RABGEF1: variants seen among roughly 807,000 people sequenced by gnomAD.
RABGEF1 encodes RAB guanine nucleotide exchange factor 1.
Under a neutral mutation model 57.3 loss-of-function variants are expected in RABGEF1, and 26 were observed. The observed-to-expected ratio is 0.45, with a 90% CI of 0.33 to 0.63. RABGEF1 has a LOEUF of 0.63. Among genes scored for constraint, RABGEF1 ranks in the 20% least tolerant of loss-of-function variants. The pLI, the probability that RABGEF1 is intolerant of heterozygous loss-of-function variation, is 0.02. For missense variants in RABGEF1, 464 were observed against 607.6 expected (o/e 0.76, Z 2.48); for synonymous variants, 185 against 210.7 (o/e 0.88, Z 1.06).
At chr7:66,664,014 C>CT in the RABGEF1 span, among the ~76,000 whole-genome samples, 1 of 145,906 alleles carries the variant, frequency 6.9e-6, no homozygotes, top group Non-Finnish European at 1.5e-5. Flanking sequence ...GTGGAGGTTG[C>CT]AGTGAGCCAA....
chr7:66,702,614 G>A (rs1477434383), intron 1 of RABGEF1, among the ~76,000 whole-genome samples: 2 of 152,112 alleles, frequency 1.3e-5, no homozygotes, highest in Admixed American at 6.6e-5. Flanking sequence ...TGAGAACTCC[G>A]ATTTCTCCAG....
the RABGEF1 span, among the ~76,000 whole-genome samples, chr7:66,657,751 A>C: frequency 4.6e-5 from 7 of 152,070 alleles, no homozygotes; most frequent in African/African-American, 9.7e-5. Flanking sequence ...AACCTGGGAG[A>C]GGGAGGTTGC....
chr7:66,771,200 G>A (rs1217791243), intron 1 of RABGEF1, among the ~76,000 whole-genome samples: 2 of 152,058 alleles, frequency 1.3e-5, no homozygotes, highest in Non-Finnish European at 2.9e-5. Context: ...GTGCAGTGGC[G>A]TGATCTTGGC....
At chr7:66,692,746 C>T (rs1791712224) in intron 1 of RABGEF1, among the ~76,000 whole-genome samples, 1 of 149,734 alleles carries the variant, frequency 6.7e-6, no homozygotes, top group Non-Finnish European at 1.5e-5. Context: ...GTCCTACATC[C>T]CCCTGAGCCT....
chr7:66,761,029 TTTC>T (rs1804193339), intron 1 of RABGEF1, among the ~76,000 whole-genome samples: 1 of 152,202 alleles, frequency 6.6e-6, no homozygotes, highest in South Asian at 2.1e-4. Context: ...TCATTTAGTT[TTTC>T]TTCTTTCAAC....
chr7:66,793,262 C>G (rs1283328328), intron 4 of RABGEF1, among the ~76,000 whole-genome samples: 5 of 152,182 alleles, frequency 3.3e-5, no homozygotes, highest in Non-Finnish European at 7.3e-5. Flanking sequence ...TAACTTGGGA[C>G]TGGGACCCAA....
intron 2 of RABGEF1, among the ~76,000 whole-genome samples, chr7:66,724,054 A>C (rs976670316): frequency 4.6e-5 from 7 of 151,584 alleles, no homozygotes; most frequent in African/African-American, 1.7e-4. Flanking sequence ...TGGGCAATAA[A>C]TTTTCTCACC....
the RABGEF1 span, among the ~76,000 whole-genome samples, chr7:66,662,095 C>T: frequency 3.9e-5 from 6 of 152,184 alleles, no homozygotes; most frequent in South Asian, 2.1e-4. Context: ...AAAAATTAGC[C>T]GGGCACGGTG....
At chr7:66,770,111 T>C (rs1218123780) in intron 1 of RABGEF1, among the ~76,000 whole-genome samples, 2 of 152,242 alleles carry the variant, frequency 1.3e-5, no homozygotes, top group Non-Finnish European at 2.9e-5. Context: ...CCTGTACTTT[T>C]GGTTATGAGC....
chr7:66,673,757 A>G, the RABGEF1 span, among the ~76,000 whole-genome samples: 7 of 151,604 alleles, frequency 4.6e-5, 1 homozygote, highest in South Asian at 8.4e-4. Context: ...GCTTGCACCT[A>G]TGGTCCCAGT....
At position 66,809,190 on chromosome 7, in the gene RABGEF1, A is replaced by C; in HGVS notation, c.1382A>C (p.Lys461Thr). Residue 461 changes from lysine to threonine, a missense_variant, in exon 9 of 9, where the codon AAG (lysine) becomes ACG (threonine). By Grantham distance (78) the Lys-to-Thr change is moderately conservative. This residue lies in a region of RABGEF1 where 151 missense variants were observed against 152.2 expected (regional missense o/e 0.99). Coordinates refer to ENST00000284957, the MANE Select transcript of RABGEF1 (RefSeq NM_014504.3). ...DIVEKYPLEI[K>T]PPNQPLAAID... Reference sequence around the variant, plus strand: ...GTTGAGAAATACCCACTGGAAATTAAGCCTCCGAATCAACCGTTAGCAGCT... The same window carrying C: ...GTTGAGAAATACCCACTGGAAATTACGCCTCCGAATCAACCGTTAGCAGCT... The C allele has an allele frequency of 6.2e-7, 1 of 1,614,246 alleles. No individual in the cohort carries two copies. Among genetic ancestry groups the C allele is most frequent in the Non-Finnish European group, 8.5e-7 (1 of 1,180,052 alleles).
intron 1 of RABGEF1, among the ~76,000 whole-genome samples, chr7:66,747,333 G>C (rs77545207): frequency 6.6e-6 from 1 of 152,182 alleles, no homozygotes; most frequent in Non-Finnish European, 1.5e-5. Flanking sequence ...TGTAACAAGA[G>C]TTTTGAGGGC....
chr7:66,685,145 ATTAT>A (rs1790400802), intron 1 of RABGEF1, among the ~76,000 whole-genome samples: 1 of 129,928 alleles, frequency 7.7e-6, no homozygotes, highest in South Asian at 2.5e-4. Context: ...ATAGTGCTGG[ATTAT>A]TTGCTTTTTT....
intron 2 of RABGEF1, among the ~76,000 whole-genome samples, chr7:66,717,079 GCT>G (rs1347437963): frequency 2.0e-5 from 3 of 152,158 alleles, no homozygotes; most frequent in Non-Finnish European, 4.4e-5. Flanking sequence ...GCATGTGGCT[GCT>G]CTCTGTTTTT....
chr7:66,782,690 G>A (rs1266964829), intron 3 of RABGEF1, among the ~76,000 whole-genome samples: 2 of 151,934 alleles, frequency 1.3e-5, no homozygotes, highest in African/African-American at 2.4e-5. Flanking sequence ...GAGTAGCTCA[G>A]TAGGAGAATC....
intron 1 of RABGEF1, among the ~76,000 whole-genome samples, chr7:66,744,205 A>C (rs1438377723): frequency 6.6e-6 from 1 of 151,440 alleles, no homozygotes; most frequent in African/African-American, 2.4e-5. Flanking sequence ...CACCACGCCC[A>C]GCTAATTACT....
intron 8 of RABGEF1, among the ~76,000 whole-genome samples, chr7:66,807,318 C>T (rs1788660230): frequency 6.6e-6 from 1 of 152,230 alleles, no homozygotes; most frequent in Non-Finnish European, 1.5e-5. Flanking sequence ...ACCCCACGGG[C>T]ACTCACAGTC....
chr7:66,660,129 C>T, the RABGEF1 span, among the ~76,000 whole-genome samples: 5 of 151,202 alleles, frequency 3.3e-5, no homozygotes, highest in South Asian at 4.2e-4. Flanking sequence ...CGGCGGATCA[C>T]GAGGTCAGGA....
At chr7:66,789,708 A>G (rs2129156451) in intron 4 of RABGEF1, among the ~76,000 whole-genome samples, 1 of 145,370 alleles carries the variant, frequency 6.9e-6, no homozygotes, top group African/African-American at 2.5e-5. Context: ...AAAAAAAAAA[A>G]GATGTATTTG....
Sources: allele counts gnomAD v4.1 joint callset (sites outside exome capture counted in the v4.1 genomes callset), GRCh38; gene constraint gnomAD v4.1.1; regional missense constraint gnomAD v4.1.1; transcripts MANE v1.5; gene names NCBI Gene and HGNC (gene_info 2026-07-23, HGNC 2026-07-21).